The following RGS7 variants were observed in gnomAD, a reference collection of about 807,000 sequenced individuals.
RGS7 encodes regulator of G protein signaling 7.
RGS7 carries 27 observed loss-of-function variants against 81.1 expected under a neutral mutation model. The ratio of observed to expected loss-of-function variants is 0.33; its 90% CI spans 0.25 to 0.46. RGS7 has a LOEUF of 0.46. RGS7 is among the 20% of genes least tolerant of loss of function. The pLI is 1.00. For synonymous variants in RGS7, 208 were observed against 207.7 expected (o/e 1.00, Z -0.01); for missense variants, 396 against 607.4 (o/e 0.65, Z 3.66).
intron 15 of RGS7, among the ~76,000 whole-genome samples, chr1:240,803,500 C>G (rs940319722): frequency 1.3e-5 from 2 of 152,074 alleles, no homozygotes; most frequent in Non-Finnish European, 2.9e-5. Context: ...CACTTTGGGT[C>G]AGAGCACAAG....
chr1:241,134,164 A>G (rs1352604156), intron 2 of RGS7, among the ~76,000 whole-genome samples: 2 of 152,234 alleles, frequency 1.3e-5, no homozygotes, highest in Non-Finnish European at 2.9e-5. Flanking sequence ...CTTTTCCTCT[A>G]TCATCCTAGC....
At chr1:241,142,315 T>A (rs1278779947) in intron 2 of RGS7, among the ~76,000 whole-genome samples, 2 of 152,200 alleles carry the variant, frequency 1.3e-5, no homozygotes, top group Non-Finnish European at 2.9e-5. Context: ...GTAGGGACTC[T>A]GTGTGGGGGC....
At chr1:241,287,585 G>A (rs1807764) in intron 2 of RGS7, among the ~76,000 whole-genome samples, 75,358 of 151,976 alleles carry the variant, frequency 0.5, 20,054 homozygotes, top group Non-Finnish European at 0.59. Flanking sequence ...TTAGCAGTGT[G>A]AAAACAGACT....
At chr1:241,026,785 T>C (rs2059810633) in intron 3 of RGS7, among the ~76,000 whole-genome samples, 1 of 150,968 alleles carries the variant, frequency 6.6e-6, no homozygotes, top group South Asian at 2.1e-4. Context: ...TCAAAGAGTC[T>C]GGTGAGTGAG....
intron 3 of RGS7, among the ~76,000 whole-genome samples, chr1:241,023,949 G>T (rs1448285939): frequency 6.6e-6 from 1 of 152,100 alleles, no homozygotes; most frequent in East Asian, 1.9e-4. Context: ...TCTCCATGTT[G>T]GTCAGGTTGG....
intron 2 of RGS7, among the ~76,000 whole-genome samples, chr1:241,310,388 CGTGTGA>C (rs1288457108): frequency 2.7e-5 from 4 of 150,386 alleles, no homozygotes; most frequent in Non-Finnish European, 5.9e-5. Flanking sequence ...TATGAGTGTG[CGTGTGA>C]GTGTGTTTGT....
intron 4 of RGS7, among the ~76,000 whole-genome samples, chr1:240,949,896 G>A (rs915785240): frequency 2.7e-5 from 4 of 146,120 alleles, no homozygotes; most frequent in Non-Finnish European, 6.0e-5. Flanking sequence ...TTTTAACTGA[G>A]ACATTTAAAG....
In RGS7 at chr1:240,996,213, T is replaced by C. The variant is rs541154086; in HGVS notation, c.176-13084A>G. ...ATGATGTGTTTAATGGCCCAAAATATGGTCTTAGGGAATGTTTCATGGGAA... is the reference window on the plus strand; with the variant it reads ...ATGATGTGTTTAATGGCCCAAAATACGGTCTTAGGGAATGTTTCATGGGAA... On this transcript the variant is annotated intron_variant, in intron 3 of 18. Coordinates refer to ENST00000440928, the MANE Select transcript of RGS7 (RefSeq NM_001364886.1). Among the ~76,000 whole-genome samples the C allele has an allele frequency of 8.5e-5, 13 of 152,252 alleles. No individual in the cohort carries two copies. The South Asian group carries it at 2.1e-3, about 24-fold the overall frequency.
At chr1:241,031,081 T>C (rs2060063951) in intron 3 of RGS7, among the ~76,000 whole-genome samples, 1 of 152,158 alleles carries the variant, frequency 6.6e-6, no homozygotes, top group African/African-American at 2.4e-5. Context: ...ATTAGGTACA[T>C]TGTACTCATT....
At chr1:241,029,463 A>G (rs1251109999) in intron 3 of RGS7, among the ~76,000 whole-genome samples, 5 of 152,252 alleles carry the variant, frequency 3.3e-5, no homozygotes. Context: ...CATTTTGGAA[A>G]TGAGTTTCCA....
At chr1:241,016,602 A>G (rs564873382) in intron 3 of RGS7, among the ~76,000 whole-genome samples, 73 of 152,128 alleles carry the variant, frequency 4.8e-4, no homozygotes, top group Non-Finnish European at 8.8e-4. Flanking sequence ...TGAGAACAAA[A>G]GAAAACAAGT....
chr1:241,049,053 T>C (rs1361237767), intron 3 of RGS7, among the ~76,000 whole-genome samples: 1 of 152,190 alleles, frequency 6.6e-6, no homozygotes, highest in East Asian at 1.9e-4. Context: ...TAAGGACACC[T>C]AGCTTATTGT....
intron 6 of RGS7, among the ~76,000 whole-genome samples, chr1:240,876,241 A>G (rs1349867720): frequency 6.6e-6 from 1 of 151,954 alleles, no homozygotes; most frequent in Non-Finnish European, 1.5e-5. Flanking sequence ...CTCATCTAGC[A>G]CTCTCAGCAG....
chr1:241,225,143 T>A lies in RGS7; in HGVS notation c.79-126381A>T, dbSNP rs544886826. Among the ~76,000 whole-genome samples the A allele has an allele frequency of 5.3e-5, 8 of 152,238 alleles. No homozygotes were observed. In the South Asian group the frequency reaches 1.0e-3, roughly 20 times the overall value. On this transcript the variant is annotated intron_variant, in intron 2 of 18. Transcript: ENST00000440928. ...CCGTTAAGTAATTTCTCATTCCTCATCCCCCTTGTACCCTCCCACTTTTCC... is the reference window on the plus strand; with the variant it reads ...CCGTTAAGTAATTTCTCATTCCTCAACCCCCTTGTACCCTCCCACTTTTCC...
chr1:241,024,820 G>A (rs1211692990), intron 3 of RGS7, among the ~76,000 whole-genome samples: 2 of 152,106 alleles, frequency 1.3e-5, no homozygotes, highest in Admixed American at 6.5e-5. Context: ...GTTTTGTATT[G>A]TACCCAGATT....
At chr1:240,894,334 T>C (rs1475645660) in intron 6 of RGS7, among the ~76,000 whole-genome samples, 1 of 152,216 alleles carries the variant, frequency 6.6e-6, no homozygotes, top group African/African-American at 2.4e-5. Context: ...AGGATTTATG[T>C]CCTTGTTCAG....
chr1:240,947,247 A>G (rs1363666356), intron 4 of RGS7, among the ~76,000 whole-genome samples: 3 of 152,202 alleles, frequency 2.0e-5, no homozygotes, highest in African/African-American at 7.2e-5. Context: ...TACCATTTTC[A>G]TTATGTAATA....
intron 6 of RGS7, among the ~76,000 whole-genome samples, chr1:240,904,440 G>A (rs1670508670): frequency 6.6e-6 from 1 of 152,100 alleles, no homozygotes; most frequent in African/African-American, 2.4e-5. Context: ...ATGTAATTTT[G>A]GAGTAAGTTT....
intron 3 of RGS7, among the ~76,000 whole-genome samples, chr1:241,082,184 T>C (rs1223857039): frequency 6.6e-6 from 1 of 152,216 alleles, no homozygotes; most frequent in Non-Finnish European, 1.5e-5. Flanking sequence ...TATGTAATTA[T>C]TGTAATTCCC....
Sources: gnomAD v4.1 joint callset for allele counts (sites outside exome capture counted in the v4.1 genomes callset) on GRCh38, gnomAD v4.1.1 for gene constraint, MANE v1.5 for transcripts, NCBI Gene and HGNC (gene_info 2026-07-23, HGNC 2026-07-21) for gene names.